Variants in RBM25 observed in about 807,000 individuals in gnomAD.
RBM25 encodes RNA-binding protein 25.
RBM25 carries 19 observed loss-of-function variants against 120.7 expected under a neutral mutation model. The observed-to-expected ratio is 0.16, with a 90% CI of 0.11 to 0.23. RBM25 has a LOEUF of 0.23. Ranked by LOEUF, RBM25 falls within the 10% of genes least tolerant of loss-of-function variation. The pLI, the probability that RBM25 is intolerant of heterozygous loss-of-function variation, is 1.00. For missense variants in RBM25, 605 were observed against 1,041.5 expected, an observed-to-expected ratio of 0.58 and a Z score of 5.77; for synonymous variants, 390 against 326.7, an observed-to-expected ratio of 1.19 and a Z score of -2.09.
chr14:73,114,355 T>G, intron 18 of RBM25, 22 bp downstream of exon 18: 1 of 1,527,346 alleles, frequency 6.5e-7, no homozygotes, highest in Non-Finnish European at 8.8e-7. Context: ...ATTCACTATT[T>G]TTATTTCTTT....
chr14:73,097,282 C>G (rs1895968657), intron 7 of RBM25, among the ~76,000 whole-genome samples, 182 bp downstream of exon 7: 1 of 133,372 alleles, frequency 7.5e-6, no homozygotes, highest in African/African-American at 2.9e-5. Context: ...TTCACTGTAA[C>G]CTCCGCCTCC....
chr14:73,065,370 G>A (rs1202955912), intron 1 of RBM25, among the ~76,000 whole-genome samples: 1 of 150,542 alleles, frequency 6.6e-6, no homozygotes, highest in African/African-American at 2.4e-5. Context: ...TCAAGTGATC[G>A]GTCTGCCTCG....
rs1023354230 is a variant in RBM25, at chr14:73,123,846, C to A, written c.*4041C>A. On this transcript the variant is annotated 3_prime_UTR_variant, in exon 19 of 19. Coordinates refer to ENST00000261973, the MANE Select transcript of RBM25 (RefSeq NM_021239.3). Reference sequence around the variant, plus strand: ...AATACCCAGGTAAAGAAGATAATTTCTAGAAACAAAAATAAAAATTCTTTT... The same window carrying A: ...AATACCCAGGTAAAGAAGATAATTTATAGAAACAAAAATAAAAATTCTTTT... 6.6e-6 allele frequency: 1 copy of A among 151,280 alleles called. No individual in the cohort carries two copies. 9.4% of individuals were successfully genotyped at this position (151,280 alleles called of 1,614,324 possible). A position where few individuals can be genotyped will look rare whatever the true frequency, so the allele number is the denominator to read the frequency against.
chr14:73,103,142 A>T (rs1213422222), intron 9 of RBM25, 50 bp from the exon 10 acceptor site: 3 of 1,566,400 alleles, frequency 1.9e-6, no homozygotes, highest in Non-Finnish European at 2.6e-6. Flanking sequence ...GAAAAATCTG[A>T]ATACTGGAGC....
chr14:73,070,489 T>G (rs1895259653), intron 1 of RBM25, among the ~76,000 whole-genome samples: 1 of 152,158 alleles, frequency 6.6e-6, no homozygotes, highest in African/African-American at 2.4e-5. Flanking sequence ...AAGTTGTATG[T>G]TCTCTTTATA....
intron 1 of RBM25, among the ~76,000 whole-genome samples, chr14:73,066,027 C>T (rs1048087435): frequency 4.6e-5 from 7 of 152,042 alleles, no homozygotes; most frequent in Non-Finnish European, 7.4e-5. Flanking sequence ...TTGAAGTCCT[C>T]AGAGTTTGTT....
intron 18 of RBM25, among the ~76,000 whole-genome samples, chr14:73,116,484 T>C (rs1245731824): frequency 2.0e-5 from 3 of 152,238 alleles, no homozygotes; most frequent in South Asian, 4.1e-4. Flanking sequence ...CCTTTTCTGC[T>C]GCCTAGCTAG....
chr14:73,088,739 A>G (rs1397675577), intron 6 of RBM25, among the ~76,000 whole-genome samples: 5 of 152,218 alleles, frequency 3.3e-5, no homozygotes, highest in Admixed American at 6.5e-5. Flanking sequence ...CCTTTTTGGC[A>G]TCTCATGCTG....
At chr14:73,089,695 T>G (rs1895766492) in intron 6 of RBM25, among the ~76,000 whole-genome samples, 1 of 117,646 alleles carries the variant, frequency 8.5e-6, no homozygotes, top group Non-Finnish European at 1.8e-5. Context: ...GAAATGGAGT[T>G]TCCCTCTCTT....
At chr14:73,099,307 G>A (rs1189077614) in intron 7 of RBM25, 73 bp from the exon 8 acceptor site, 3 of 1,294,284 alleles carry the variant, frequency 2.3e-6, no homozygotes, top group Admixed American at 2.1e-5. Context: ...AAATGTATAG[G>A]GCATTGCTTT....
intron 1 of RBM25, among the ~76,000 whole-genome samples, chr14:73,070,220 T>TG (rs1341030111): frequency 6.6e-6 from 1 of 151,892 alleles, no homozygotes; most frequent in Non-Finnish European, 1.5e-5. Flanking sequence ...GCTAATTTTT[T>TG]TTTGTTTGTT....
chr14:73,117,212 T>A (rs1235700847), intron 18 of RBM25, among the ~76,000 whole-genome samples: 54 of 15,182 alleles, frequency 3.6e-3, no homozygotes, highest in African/African-American at 0.013. Context: ...CTTCTTTTCT[T>A]TTTTTTTTTT....
chr14:73,089,707 C>T (rs1378613199), intron 6 of RBM25, among the ~76,000 whole-genome samples: 1 of 132,564 alleles, frequency 7.5e-6, no homozygotes, highest in Non-Finnish European at 1.6e-5. Flanking sequence ...CCCTCTCTTG[C>T]CCAGGCTGGA....
intron 5 of RBM25, among the ~76,000 whole-genome samples, chr14:73,087,775 A>T (rs1895722888): frequency 2.0e-5 from 3 of 152,102 alleles, no homozygotes. Context: ...AGTTTGTCTG[A>T]TTTGAATTTT....
chr14:73,095,570 G>A (rs989360624), intron 6 of RBM25, among the ~76,000 whole-genome samples: 1 of 151,146 alleles, frequency 6.6e-6, no homozygotes. Flanking sequence ...TCACGCCACT[G>A]CATTCCAGCC....
chr14:73,088,332 C>A, intron 6 of RBM25, 171 bp downstream of exon 6: 2 of 859,366 alleles, frequency 2.3e-6, no homozygotes, highest in Non-Finnish European at 3.8e-6. Context: ...TCTTATCTGC[C>A]CATAGTGGGT....
chr14:73,064,366 T>G, intron 1 of RBM25, among the ~76,000 whole-genome samples: 1 of 151,302 alleles, frequency 6.6e-6, no homozygotes, highest in East Asian at 1.9e-4. Flanking sequence ...AGATGAGAAA[T>G]GTTTTCTGAT....
chr14:73,116,863 C>T (rs2140467550), intron 18 of RBM25, among the ~76,000 whole-genome samples: 1 of 152,204 alleles, frequency 6.6e-6, no homozygotes, highest in South Asian at 2.1e-4. Flanking sequence ...ACCAGTTGAG[C>T]TAGTGTTGTC....
At chr14:73,107,804 C>T (rs772148709) in intron 12 of RBM25, 22 bp from the exon 13 acceptor site, 3 of 1,506,004 alleles carry the variant, frequency 2.0e-6, no homozygotes, top group Admixed American at 3.7e-5. Context: ...TAATTTTATA[C>T]ATTGTCCTTA....
Sources: allele counts gnomAD v4.1 joint callset (sites outside exome capture counted in the v4.1 genomes callset), GRCh38; gene constraint gnomAD v4.1.1; transcripts MANE v1.5; gene names NCBI Gene and HGNC (gene_info 2026-07-23, HGNC 2026-07-21).